Variants in ADGRL2 observed in about 807,000 individuals in gnomAD.
ADGRL2 encodes calcium-independent alpha-latrotoxin receptor 2.
A neutral mutation model predicts 157.4 loss-of-function variants in ADGRL2; 44 were observed. The observed-to-expected ratio is 0.28, with a 90% CI of 0.22 to 0.36. The LOEUF (loss-of-function observed/expected upper bound fraction) is 0.36. Among genes scored for constraint, ADGRL2 ranks in the 10% least tolerant of loss-of-function variants. The probability of loss-of-function intolerance (pLI) is 1.00; values close to 1 mark genes in which losing one functional copy is unlikely to be tolerated. For missense variants in ADGRL2, 1,510 were observed against 1,768.9 expected (o/e 0.85, Z 2.63); for synonymous variants, 585 against 624.7 (o/e 0.94, Z 0.95).
intron 1 of ADGRL2, among the ~76,000 whole-genome samples, chr1:81,711,561 G>T (rs1017904354): frequency 6.6e-6 from 1 of 151,916 alleles, no homozygotes; most frequent in East Asian, 1.9e-4. Context: ...ACTTAAAATT[G>T]GTATTTTTTT....
chr1:81,334,747 A>T (rs1304566652), intron 1 of ADGRL2, among the ~76,000 whole-genome samples: 1 of 152,214 alleles, frequency 6.6e-6, no homozygotes, highest in Non-Finnish European at 1.5e-5. Flanking sequence ...ACTTGTAAAA[A>T]GTAGTTGCTC....
chr1:81,555,978 C>T (rs1285378868), intron 2 of ADGRL2, among the ~76,000 whole-genome samples: 1 of 151,872 alleles, frequency 6.6e-6, no homozygotes, highest in Non-Finnish European at 1.5e-5. Context: ...TAGCGTATCA[C>T]TGCTCCTACT....
intron 2 of ADGRL2, among the ~76,000 whole-genome samples, chr1:81,448,409 G>C (rs1328057264): frequency 6.6e-6 from 1 of 151,944 alleles, no homozygotes; most frequent in African/African-American, 2.4e-5. Context: ...GCCTCCCAAA[G>C]TGCTGTGATT....
chr1:81,476,112 C>T (rs2078266123), intron 2 of ADGRL2, among the ~76,000 whole-genome samples: 1 of 150,192 alleles, frequency 6.7e-6, no homozygotes, highest in African/African-American at 2.5e-5. Context: ...ACACTAGACA[C>T]TTAAATATAT....
chr1:81,789,876 A>T (rs1247278807), intron 2 of ADGRL2, among the ~76,000 whole-genome samples: 1 of 152,138 alleles, frequency 6.6e-6, no homozygotes, highest in Non-Finnish European at 1.5e-5. Flanking sequence ...AAAATTGGTT[A>T]AAAAGGCTTT....
At chr1:81,324,542 A>T (rs1343990403) in intron 1 of ADGRL2, among the ~76,000 whole-genome samples, 3 of 149,298 alleles carry the variant, frequency 2.0e-5, no homozygotes, top group Admixed American at 6.7e-5. Flanking sequence ...TAATATTTTT[A>T]AAATTATATA....
chr1:81,964,333 A>G lies in ADGRL2; in HGVS notation c.2018-1725A>G, dbSNP rs1035218070. ...TTTTAAGATATGAAAGCTTCTTTCAATGTGAGGAAGAATCAGTTACTTTAA... is the reference window on the plus strand; with the variant it reads ...TTTTAAGATATGAAAGCTTCTTTCAGTGTGAGGAAGAATCAGTTACTTTAA... On this transcript the variant is annotated intron_variant, in intron 11 of 23. Transcript: ENST00000686636. 5.3e-5 allele frequency among the ~76,000 whole-genome samples: 8 copies of G among 152,104 alleles called. No homozygotes were observed. In the South Asian group the frequency reaches 1.0e-3, roughly 20 times the overall value.
At chr1:81,857,827 GA>G (rs1000662654) in intron 2 of ADGRL2, among the ~76,000 whole-genome samples, 6 of 152,016 alleles carry the variant, frequency 3.9e-5, no homozygotes, top group African/African-American at 1.4e-4. Context: ...TTTTTGGAGA[GA>G]ATATCATTGC....
chr1:81,913,773 A>G (rs929524952), intron 3 of ADGRL2, among the ~76,000 whole-genome samples: 3 of 152,180 alleles, frequency 2.0e-5, no homozygotes, highest in African/African-American at 7.2e-5. Flanking sequence ...GCAAGCCTTT[A>G]GAACAAGGTT....
At chr1:81,359,585 C>G (rs568938756) in intron 1 of ADGRL2, among the ~76,000 whole-genome samples, 1 of 151,970 alleles carries the variant, frequency 6.6e-6, no homozygotes, top group Non-Finnish European at 1.5e-5. Context: ...ACATAATAGA[C>G]ATTGCTAACA....
chr1:81,350,433 T>G (rs1411541895), intron 1 of ADGRL2, among the ~76,000 whole-genome samples: 1 of 152,166 alleles, frequency 6.6e-6, no homozygotes, highest in Non-Finnish European at 1.5e-5. Context: ...CTTCAAGGAT[T>G]TTAGTAAAAA....
intron 1 of ADGRL2, among the ~76,000 whole-genome samples, chr1:81,369,738 G>A (rs1011068208): frequency 1.1e-4 from 16 of 152,106 alleles, no homozygotes; most frequent in South Asian, 2.1e-4. Context: ...GAAAAGCCAC[G>A]GCAGAAAAAC....
At chr1:81,789,100 G>A (rs765008928) in intron 2 of ADGRL2, among the ~76,000 whole-genome samples, 1 of 152,176 alleles carries the variant, frequency 6.6e-6, no homozygotes, top group Non-Finnish European at 1.5e-5. Flanking sequence ...ACCAAGGACA[G>A]TGCGACCCAG....
intron 1 of ADGRL2, among the ~76,000 whole-genome samples, chr1:81,831,565 G>A (rs1369344228): frequency 6.6e-6 from 1 of 151,874 alleles, no homozygotes; most frequent in Non-Finnish European, 1.5e-5. Context: ...CAGCCCTTCT[G>A]CTTGCTTACT....
At chr1:81,501,733 G>C (rs1398308025) in intron 2 of ADGRL2, 21 of 1,608,846 alleles carry the variant, frequency 1.3e-5, no homozygotes, top group Non-Finnish European at 1.8e-5. Flanking sequence ...CCCAGGTTCA[G>C]AGTCATGCCA....
intron 1 of ADGRL2, among the ~76,000 whole-genome samples, chr1:81,441,849 A>G (rs1442304817): frequency 6.6e-6 from 1 of 151,150 alleles, no homozygotes; most frequent in Non-Finnish European, 1.5e-5. Flanking sequence ...AGAATATTCC[A>G]TTTTTTTTGA....
chr1:81,573,906 A>C (rs2080745556), intron 2 of ADGRL2, among the ~76,000 whole-genome samples: 1 of 152,188 alleles, frequency 6.6e-6, no homozygotes, highest in African/African-American at 2.4e-5. Context: ...CTCAGACAAC[A>C]ATAGTTTTTC....
chr1:81,502,442 T>C lies in ADGRL2; in HGVS notation c.-248+57353T>C, dbSNP rs956866950. 8.2e-5 allele frequency: 133 copies of C among 1,613,396 alleles called. No homozygotes were observed. The East Asian group carries it at 2.7e-3, about 32-fold the overall frequency. Reference sequence around the variant, plus strand: ...GGACGGTGATCCTGAAAGGAAAGAGTTCCTGGATGACCTCTTCGTCTTTAT... The same window carrying C: ...GGACGGTGATCCTGAAAGGAAAGAGCTCCTGGATGACCTCTTCGTCTTTAT... On this transcript the variant is annotated intron_variant, in intron 2 of 24. Coordinates refer to the ADGRL2 transcript ENST00000370721.
At chr1:81,616,311 C>T (rs549961269) in intron 3 of ADGRL2, among the ~76,000 whole-genome samples, 71 of 152,294 alleles carry the variant, frequency 4.7e-4, no homozygotes, top group Admixed American at 2.1e-3. Flanking sequence ...AGGTACCACA[C>T]GCAGGACCCA....
Sources: gnomAD v4.1 joint callset for allele counts (sites outside exome capture counted in the v4.1 genomes callset) on GRCh38, gnomAD v4.1.1 for gene constraint, MANE v1.5 for transcripts, NCBI Gene and HGNC (gene_info 2026-07-23, HGNC 2026-07-21) for gene names.